TMEM154: variants seen among roughly 807,000 people sequenced by gnomAD.
TMEM154 encodes transmembrane protein 154.
Under a neutral mutation model 24.5 loss-of-function variants are expected in TMEM154, and 27 were observed. The ratio of observed to expected loss-of-function variants is 1.10; its 90% CI spans 0.81 to 1.52. The LOEUF is 1.52. Ranked by LOEUF, TMEM154 falls within the 40% of genes most tolerant of loss-of-function variation. TMEM154 has a pLI of 0.00. For missense variants in TMEM154, 228 were observed against 213.4 expected (o/e 1.07, Z -0.43); for synonymous variants, 67 against 76.8 (o/e 0.87, Z 0.67).
intron 6 of TMEM154, among the ~76,000 whole-genome samples, chr4:152,630,838 C>T (rs1307212433): frequency 1.3e-5 from 2 of 152,084 alleles, no homozygotes; most frequent in Admixed American, 6.6e-5. Context: ...ATATTCTTTT[C>T]GTACAAAATG....
Position 152,628,381 on chromosome 4 carries a change from A to G in TMEM154, c.*165T>C. 2 of 1,156,892 alleles carry G rather than the reference A, an allele frequency of 1.7e-6. No individual in the cohort carries two copies. The highest frequency in any genetic ancestry group is 1.3e-5 in the South Asian group (1 of 75,170). The allele number at this position is 1,156,892 out of a possible 1,614,324, so 71.7% of individuals were successfully genotyped here. On this transcript the variant is annotated 3_prime_UTR_variant, in exon 7 of 7. Coordinates refer to ENST00000304385, the MANE Select transcript of TMEM154 (RefSeq NM_152680.3). ...TTGCACATTCTTCCAAGTGCAAGTG[A>G]TGCCATCATTAGGAAGAGTGGGCGT...
At position 152,620,246 on chromosome 4, in the gene TMEM154, T is replaced by C. The variant is rs994376998; in HGVS notation, c.*8300A>G. The stretch of plus-strand genomic sequence containing the variant: ...CTTAAAGAGGATCATATGCTGTTTA[T>C]GTCAGCTCTAGTAAGTGGGAACTTT... On this transcript the variant is annotated 3_prime_UTR_variant, in exon 7 of 7. Coordinates refer to ENST00000304385, the MANE Select transcript of TMEM154 (RefSeq NM_152680.3). 1 of 152,360 alleles carries C rather than the reference T, an allele frequency of 6.6e-6. No homozygotes were observed. The highest frequency in any genetic ancestry group is 1.5e-5 in the Non-Finnish European group (1 of 68,036). 9.4% of individuals were successfully genotyped at this position (152,360 alleles called of 1,614,324 possible).
chr4:152,637,674 A>G (rs1477110894), intron 6 of TMEM154, among the ~76,000 whole-genome samples: 1 of 152,166 alleles, frequency 6.6e-6, no homozygotes, highest in Non-Finnish European at 1.5e-5. Flanking sequence ...AAACTCAGAG[A>G]GCTAAAGTGA....
At chr4:152,650,928 G>A (rs751328959) in intron 3 of TMEM154, among the ~76,000 whole-genome samples, 1 of 152,190 alleles carries the variant, frequency 6.6e-6, no homozygotes, top group African/African-American at 2.4e-5. Flanking sequence ...GACCTTAACA[G>A]TGGACTTAAA....
chr4:152,645,934 TACACACACACACACACACAC>T (rs10545647), intron 3 of TMEM154, among the ~76,000 whole-genome samples: 5 of 140,568 alleles, frequency 3.6e-5, no homozygotes, highest in East Asian at 4.2e-4. Flanking sequence ...GAAAGGAGAA[TACACACACACACACACACAC>T]ACACACACAC....
chr4:152,653,352 A>G (rs9999349), intron 1 of TMEM154, among the ~76,000 whole-genome samples: 15,668 of 151,970 alleles, frequency 0.1, 1,495 homozygotes, highest in African/African-American at 0.25. Flanking sequence ...CATGCCATAC[A>G]GCACTTTTAG....
chr4:152,657,158 T>C (rs577780235), intron 1 of TMEM154, among the ~76,000 whole-genome samples: 1 of 145,464 alleles, frequency 6.9e-6, no homozygotes, highest in East Asian at 2.0e-4. Context: ...GAAAAGCCTG[T>C]GTGACATACG....
intron 1 of TMEM154, among the ~76,000 whole-genome samples, chr4:152,678,982 T>C (rs1460121863): frequency 1.3e-5 from 2 of 152,166 alleles, no homozygotes; most frequent in African/African-American, 4.8e-5. Context: ...TTGAGAACTT[T>C]CCTTTTGCTT....
chr4:152,664,849 G>T (rs4437231), intron 1 of TMEM154, among the ~76,000 whole-genome samples: 94,590 of 152,098 alleles, frequency 0.62, 29,982 homozygotes, highest in African/African-American at 0.74. Flanking sequence ...TCTTCCCTGC[G>T]TTGTGGAGTA....
Position 152,652,732 on chromosome 4 carries a change from A to G in TMEM154, c.260T>C (p.Leu87Ser). 3 of 1,614,040 alleles carry G rather than the reference A, an allele frequency of 1.9e-6. No homozygotes were observed. Among genetic ancestry groups the G allele is most frequent in the South Asian group, 1.1e-5 (1 of 91,078 alleles). Residue 87 changes from leucine (L) to serine (S), a missense_variant, in exon 2 of 7, where the codon TTG (leucine) becomes TCG (serine). Leu to Ser is a moderately radical substitution (Grantham distance 145). Coordinates refer to ENST00000304385, the MANE Select transcript of TMEM154 (RefSeq NM_152680.3). ...TACCACGGATAAAAGTAAGAGGACC[A>G]ATAAAATCAATGGGATTAACACCAT... ...ILMVLIPLILLVLLLLSVVFL... is the reference protein window; with the variant it reads ...ILMVLIPLILSVLLLLSVVFL...
intron 3 of TMEM154, chr4:152,646,915 T>G (rs1336788952): frequency 8.5e-6 from 6 of 702,178 alleles, no homozygotes; most frequent in Non-Finnish European, 1.3e-5. Context: ...AGGGGTAGTT[T>G]ATCGCCCGCT....
intron 1 of TMEM154, among the ~76,000 whole-genome samples, chr4:152,670,612 A>G (rs1728818094): frequency 6.6e-6 from 1 of 152,182 alleles, no homozygotes; most frequent in African/African-American, 2.4e-5. Context: ...TAAAAATAAA[A>G]TAAAATAACT....
rs978687717 is a variant in TMEM154 at position 152,623,479 on chromosome 4, A to T, written c.*5067T>A. On this transcript the variant is annotated 3_prime_UTR_variant, in exon 7 of 7. Coordinates refer to ENST00000304385, the MANE Select transcript of TMEM154 (RefSeq NM_152680.3). ...TAATTTGAGGTGTTTCACCGACATC[A>T]GAGTAATACATTGCTTACTCTCCAC... 2 of 152,204 alleles carry T rather than the reference A, an allele frequency of 1.3e-5. No homozygotes were observed. The highest frequency in any genetic ancestry group is 4.8e-5 in the African/African-American group (2 of 41,442). The allele number at this position is 152,204 out of a possible 1,614,324, so 9.4% of individuals were successfully genotyped here.
chr4:152,636,487 C>T (rs1205298969), intron 6 of TMEM154, among the ~76,000 whole-genome samples: 1 of 152,260 alleles, frequency 6.6e-6, no homozygotes, highest in Non-Finnish European at 1.5e-5. Flanking sequence ...GTCCACTTCT[C>T]ATAGTATTTT....
chr4:152,669,840 G>T (rs1196216854), intron 1 of TMEM154: 1 of 152,186 alleles, frequency 6.6e-6, no homozygotes, highest in Non-Finnish European at 1.5e-5. Context: ...TTGGTTTTAA[G>T]GAAAAGAAGC....
intron 3 of TMEM154, among the ~76,000 whole-genome samples, chr4:152,650,672 T>C (rs139385677): frequency 2.0e-4 from 31 of 152,334 alleles, no homozygotes; most frequent in African/African-American, 6.5e-4. Flanking sequence ...TCCCAGAAGA[T>C]TCCTTCCCAG....
chr4:152,650,600 A>T (rs1728359077), intron 3 of TMEM154, among the ~76,000 whole-genome samples: 1 of 152,158 alleles, frequency 6.6e-6, no homozygotes, highest in Non-Finnish European at 1.5e-5. Flanking sequence ...GTTGATGTTG[A>T]TATTTTGATC....
At chr4:152,646,788 A>G (rs1170618139) in intron 3 of TMEM154, 10 of 601,646 alleles carry the variant, frequency 1.7e-5, no homozygotes, top group African/African-American at 1.5e-4. Flanking sequence ...GGCAGGAGCT[A>G]CAGGAGCCTC....
rs537943285 is a variant in TMEM154 at position 152,636,026 on chromosome 4, G to A, written c.536+4902C>T. 2.0e-5 allele frequency among the ~76,000 whole-genome samples: 3 copies of A among 152,270 alleles called. No homozygotes were observed. The South Asian group carries it at 6.2e-4, about 32-fold the overall frequency. On this transcript the variant is annotated intron_variant, in intron 6 of 6. Coordinates refer to ENST00000304385, the MANE Select transcript of TMEM154 (RefSeq NM_152680.3). ...AGAGACAGAAACACGAAGCTTTCAG[G>A]AAACCGTCTAACTACAAATGCCTCC...
Sources: allele counts gnomAD v4.1 joint callset (sites outside exome capture counted in the v4.1 genomes callset), GRCh38; gene constraint gnomAD v4.1.1; transcripts MANE v1.5; gene names NCBI Gene and HGNC (gene_info 2026-07-23, HGNC 2026-07-21).